The following KHDRBS2 variants were observed in gnomAD, a reference collection of about 807,000 sequenced individuals.
KHDRBS2 encodes the protein KH domain-containing, RNA-binding, signal transduction-associated protein 2.
Under a neutral mutation model 44.3 loss-of-function variants are expected in KHDRBS2, and 26 were observed. The observed-to-expected ratio is 0.59, with a 90% CI of 0.43 to 0.81. The LOEUF is 0.81. KHDRBS2 is among the 40% of genes least tolerant of loss of function. The probability of loss-of-function intolerance (pLI) is 0.00; values close to 1 mark genes in which losing one functional copy is unlikely to be tolerated. For missense variants in KHDRBS2, 476 were observed against 433.1 expected (o/e 1.10, Z -0.88); for synonymous variants, 194 against 151.1 (o/e 1.28, Z -2.08).
At chr6:61,775,015 A>G (rs1323916235) in intron 6 of KHDRBS2, among the ~76,000 whole-genome samples, 7 of 152,172 alleles carry the variant, frequency 4.6e-5, no homozygotes, top group African/African-American at 1.7e-4. Context: ...GTAATCCAAC[A>G]TATAAACAGA....
intron 2 of KHDRBS2, among the ~76,000 whole-genome samples, chr6:62,125,166 C>G (rs1235174318): frequency 1.3e-5 from 2 of 152,168 alleles, no homozygotes; most frequent in Non-Finnish European, 2.9e-5. Flanking sequence ...AAAACCCTAG[C>G]AGCAGCAGTA....
intron 4 of KHDRBS2, among the ~76,000 whole-genome samples, chr6:61,962,680 G>A (rs1769007940): frequency 6.6e-6 from 1 of 151,968 alleles, no homozygotes; most frequent in African/African-American, 2.4e-5. Flanking sequence ...GAGGATAACT[G>A]TCAAAAATGA....
intron 1 of KHDRBS2, among the ~76,000 whole-genome samples, chr6:62,234,048 AC>A (rs1434150129): frequency 3.9e-5 from 6 of 152,060 alleles, no homozygotes; most frequent in African/African-American, 7.2e-5. Context: ...TAAAAAAAAA[AC>A]AACTGGTCAA....
At chr6:62,153,239 G>A (rs1406202359) in intron 2 of KHDRBS2, among the ~76,000 whole-genome samples, 1 of 152,112 alleles carries the variant, frequency 6.6e-6, no homozygotes, top group East Asian at 1.9e-4. Flanking sequence ...ATGCTGCAGA[G>A]TCAAATTCCA....
intron 2 of KHDRBS2, among the ~76,000 whole-genome samples, chr6:62,104,288 TAA>T (rs929612635): frequency 8.6e-5 from 13 of 150,726 alleles, no homozygotes; most frequent in Admixed American, 7.3e-4. Flanking sequence ...TATCATTAAA[TAA>T]GTCTTTTTTT....
chr6:61,848,469 T>A (rs1165756708), intron 6 of KHDRBS2, among the ~76,000 whole-genome samples: 5 of 73,678 alleles, frequency 6.8e-5, no homozygotes, highest in East Asian at 2.9e-4. Flanking sequence ...AATGGAGGTT[T>A]TATATATATA....
chr6:62,215,341 A>C (rs1829803940), intron 1 of KHDRBS2, among the ~76,000 whole-genome samples: 1 of 151,672 alleles, frequency 6.6e-6, no homozygotes, highest in Admixed American at 6.6e-5. Flanking sequence ...AGCAAAATAC[A>C]CCTTTCCTAT....
At chr6:61,643,832 CA>C in the KHDRBS2 span, among the ~76,000 whole-genome samples, 26 of 152,246 alleles carry the variant, frequency 1.7e-4, 1 homozygote, top group African/African-American at 5.8e-4. Context: ...AAACACATTC[CA>C]TGCTCATGGA....
intron 1 of KHDRBS2, among the ~76,000 whole-genome samples, chr6:62,230,994 C>A (rs762378900): frequency 2.0e-5 from 3 of 152,148 alleles, no homozygotes; most frequent in Non-Finnish European, 4.4e-5. Flanking sequence ...TAAGTTTGAA[C>A]TTTAAGTACA....
chr6:62,121,825 G>T (rs554048927), intron 2 of KHDRBS2, among the ~76,000 whole-genome samples: 1 of 152,122 alleles, frequency 6.6e-6, no homozygotes, highest in Non-Finnish European at 1.5e-5. Context: ...GTGTGCCAAG[G>T]GATGGGAAAT....
chr6:61,947,109 T>C (rs1813537974), intron 4 of KHDRBS2, among the ~76,000 whole-genome samples: 1 of 152,178 alleles, frequency 6.6e-6, no homozygotes, highest in Non-Finnish European at 1.5e-5. Flanking sequence ...TATCTAAAAC[T>C]ATATGTCAAT....
chr6:61,611,385 A>T, the KHDRBS2 span, among the ~76,000 whole-genome samples: 2 of 152,236 alleles, frequency 1.3e-5, no homozygotes, highest in Non-Finnish European at 2.9e-5. Flanking sequence ...AGCCATTTGC[A>T]AAGAAAAGGC....
At chr6:61,546,032 G>C in the KHDRBS2 span, among the ~76,000 whole-genome samples, 1 of 152,070 alleles carries the variant, frequency 6.6e-6, no homozygotes, top group Non-Finnish European at 1.5e-5. Context: ...TGTAGTAGCA[G>C]CCCAAGCTGA....
At chr6:61,768,452 T>TC (rs1401582142) in intron 6 of KHDRBS2, among the ~76,000 whole-genome samples, 1 of 152,146 alleles carries the variant, frequency 6.6e-6, no homozygotes, top group Non-Finnish European at 1.5e-5. Flanking sequence ...ACTACACCCA[T>TC]CCCTTTCTCA....
chr6:61,554,358 G>A, the KHDRBS2 span, among the ~76,000 whole-genome samples: 1 of 151,904 alleles, frequency 6.6e-6, no homozygotes, highest in East Asian at 1.9e-4. Flanking sequence ...CATTTGCTTG[G>A]TAAATTTTTC....
intron 2 of KHDRBS2, among the ~76,000 whole-genome samples, chr6:62,162,938 T>C (rs1305336892): frequency 3.3e-5 from 5 of 151,976 alleles, no homozygotes; most frequent in Admixed American, 6.6e-5. Flanking sequence ...AGAAGAATAC[T>C]GGTTGAATCT....
chr6:61,964,474 A>G (rs1204775581), intron 4 of KHDRBS2, among the ~76,000 whole-genome samples: 1 of 152,028 alleles, frequency 6.6e-6, no homozygotes, highest in Non-Finnish European at 1.5e-5. Flanking sequence ...TTCACTGTCA[A>G]CTTATATGTC....
chr6:61,550,505 T>C, the KHDRBS2 span, among the ~76,000 whole-genome samples: 1 of 152,124 alleles, frequency 6.6e-6, no homozygotes, highest in Admixed American at 6.6e-5. Flanking sequence ...ACAATATGAG[T>C]GCATGTGTCT....
intron 6 of KHDRBS2, among the ~76,000 whole-genome samples, chr6:61,818,601 C>T (rs1156409282): frequency 2.6e-5 from 4 of 151,878 alleles, no homozygotes; most frequent in African/African-American, 7.2e-5. Context: ...TCCACGTTCA[C>T]CACACATTTT....
Sources: gnomAD v4.1 joint callset for allele counts (sites outside exome capture counted in the v4.1 genomes callset) on GRCh38, gnomAD v4.1.1 for gene constraint, MANE v1.5 for transcripts, NCBI Gene and HGNC (gene_info 2026-07-23, HGNC 2026-07-21) for gene names.